The following PDE4D variants were observed in gnomAD, a reference collection of about 807,000 sequenced individuals.
The protein encoded by PDE4D is phosphodiesterase 4D.
In PDE4D, 24 loss-of-function variants were observed where a neutral mutation model predicts 87.4. That is an observed-to-expected ratio of 0.27 (90% CI 0.20 to 0.39). The LOEUF is 0.39. Ranked by LOEUF, PDE4D falls within the 10% of genes least tolerant of loss-of-function variation. The pLI is 1.00. For synonymous variants in PDE4D, 384 were observed against 383.2 expected, an observed-to-expected ratio of 1.00 and a Z score of -0.02; for missense variants, 714 against 1,041.0, an observed-to-expected ratio of 0.69 and a Z score of 4.32.
chr5:59,784,691 G>A (rs747151257), intron 1 of PDE4D, among the ~76,000 whole-genome samples: 1 of 152,144 alleles, frequency 6.6e-6, no homozygotes, highest in Non-Finnish European at 1.5e-5. Flanking sequence ...GCAATAAATT[G>A]ATATCAAGCC....
At chr5:59,383,383 C>T (rs1786297708) in intron 1 of PDE4D, among the ~76,000 whole-genome samples, 1 of 152,076 alleles carries the variant, frequency 6.6e-6, no homozygotes, top group South Asian at 2.1e-4. Flanking sequence ...ACGAATCTAT[C>T]CCCACTCCCC....
intron 1 of PDE4D, among the ~76,000 whole-genome samples, chr5:60,499,522 G>C (rs970161196): frequency 6.6e-6 from 1 of 152,098 alleles, no homozygotes; most frequent in African/African-American, 2.4e-5. Flanking sequence ...CCTTGGGTTG[G>C]GGGCGGTTAA....
chr5:60,204,647 T>C (rs1176107310), intron 1 of PDE4D, among the ~76,000 whole-genome samples: 1 of 147,746 alleles, frequency 6.8e-6, no homozygotes, highest in Non-Finnish European at 1.5e-5. Flanking sequence ...AGAGGTGAGA[T>C]CCAAATCCTT....
chr5:59,484,880 A>G (rs1804848290), intron 1 of PDE4D, among the ~76,000 whole-genome samples: 1 of 152,214 alleles, frequency 6.6e-6, no homozygotes, highest in South Asian at 2.1e-4. Context: ...TGAGAGTTCT[A>G]AAAGTCTACG....
intron 3 of PDE4D, among the ~76,000 whole-genome samples, chr5:59,186,905 G>A (rs1234949086): frequency 6.6e-6 from 1 of 152,178 alleles, no homozygotes; most frequent in East Asian, 1.9e-4. Flanking sequence ...TGATGCAGAA[G>A]TAAATCGGAT....
chr5:60,025,253 A>G (rs1184026530), intron 2 of PDE4D, among the ~76,000 whole-genome samples: 2 of 152,188 alleles, frequency 1.3e-5, no homozygotes, highest in Non-Finnish European at 2.9e-5. Flanking sequence ...GTTTGCAGCA[A>G]GATGTGAGCA....
rs1473547831 is a variant in PDE4D at position 59,502,961 on chromosome 5, G to T, written c.456-286993C>A. 2.8e-5 allele frequency among the ~76,000 whole-genome samples: 4 copies of T among 144,586 alleles called. No homozygotes were observed. In the East Asian group the frequency reaches 8.2e-4, roughly 30 times the overall value. 94.9% of individuals were successfully genotyped at this position (144,586 alleles called of 152,430 possible). The stretch of plus-strand genomic sequence containing the variant: ...TTTACTTGATTTCTTTTGAAGAGTT[G>T]ATCTCAATTTTTAAAATTGTCATTT... On this transcript the variant is annotated intron_variant, in intron 1 of 14. Coordinates refer to ENST00000340635, the MANE Select transcript of PDE4D (RefSeq NM_001104631.2).
chr5:59,344,803 T>C (rs1217322993), intron 1 of PDE4D, among the ~76,000 whole-genome samples: 1 of 152,220 alleles, frequency 6.6e-6, no homozygotes, highest in Non-Finnish European at 1.5e-5. Flanking sequence ...ATTGCTCTAA[T>C]GTTTACTTAT....
At chr5:59,756,080 A>G (rs1011895225) in intron 1 of PDE4D, among the ~76,000 whole-genome samples, 7 of 151,774 alleles carry the variant, frequency 4.6e-5, no homozygotes, top group African/African-American at 1.7e-4. Context: ...AAGGTTTTCT[A>G]TTATTTTAGT....
chr5:60,076,102 T>TA (rs1773260941), intron 2 of PDE4D, among the ~76,000 whole-genome samples: 1 of 152,158 alleles, frequency 6.6e-6, no homozygotes, highest in Admixed American at 6.6e-5. Flanking sequence ...TTTGAGTTCT[T>TA]AGAGTTCCCA....
chr5:59,562,826 C>T (rs1026473664), intron 1 of PDE4D, among the ~76,000 whole-genome samples: 1 of 151,754 alleles, frequency 6.6e-6, no homozygotes, highest in Non-Finnish European at 1.5e-5. Context: ...GAAAGAAACC[C>T]TATTTCTCAC....
At chr5:59,951,123 A>G (rs1758252173) in intron 3 of PDE4D, among the ~76,000 whole-genome samples, 1 of 152,180 alleles carries the variant, frequency 6.6e-6, no homozygotes, top group African/African-American at 2.4e-5. Flanking sequence ...ATTTTCATGT[A>G]ATATCAGCTT....
rs141648085 is a variant in PDE4D, at chr5:60,116,077, G to T, written c.42+69480C>A. 3.2e-3 allele frequency among the ~76,000 whole-genome samples: 489 copies of T among 152,120 alleles called. 4 individuals are homozygous for T. The highest frequency in any genetic ancestry group is 0.011 in the African/African-American group (455 of 41,514). ...AGAATGGCTCCTGCCACAATGCTTG[G>T]ACTACGTATCTTTAACTCATCTCCA... On this transcript the variant is annotated intron_variant, in intron 2 of 16. Coordinates refer to the PDE4D transcript ENST00000502484.
intron 1 of PDE4D, among the ~76,000 whole-genome samples, chr5:59,724,502 G>A (rs139536959): frequency 6.6e-6 from 1 of 152,030 alleles, no homozygotes; most frequent in African/African-American, 2.4e-5. Flanking sequence ...TGAGAAAGAT[G>A]ATTTTCAAGC....
intron 1 of PDE4D, among the ~76,000 whole-genome samples, chr5:59,854,815 C>T (rs1745187571): frequency 6.6e-6 from 1 of 152,044 alleles, no homozygotes; most frequent in East Asian, 1.9e-4. Flanking sequence ...ACCCTCTCTC[C>T]CACTCAGCCT....
At chr5:59,108,054 G>A (rs748694844) in intron 5 of PDE4D, among the ~76,000 whole-genome samples, 1 of 152,216 alleles carries the variant, frequency 6.6e-6, no homozygotes, top group Non-Finnish European at 1.5e-5. Flanking sequence ...GGACTGCCCG[G>A]CTGAGCCCAG....
intron 1 of PDE4D, among the ~76,000 whole-genome samples, chr5:59,800,015 G>A (rs1766929085): frequency 6.6e-6 from 1 of 151,970 alleles, no homozygotes; most frequent in African/African-American, 2.4e-5. Flanking sequence ...CTCACTGTGG[G>A]GTGTTTAAAA....
At chr5:59,243,897 A>G (rs1195774444) in intron 1 of PDE4D, among the ~76,000 whole-genome samples, 1 of 152,144 alleles carries the variant, frequency 6.6e-6, no homozygotes, top group East Asian at 1.9e-4. Context: ...AATTAACCAG[A>G]GATACAGATT....
chr5:59,452,930 G>A (rs1582675293), intron 1 of PDE4D, among the ~76,000 whole-genome samples: 1 of 147,324 alleles, frequency 6.8e-6, no homozygotes, highest in African/African-American at 2.5e-5. Flanking sequence ...ATTGTGCTTT[G>A]TTTTGTTGTG....
Sources: allele counts gnomAD v4.1 joint callset (sites outside exome capture counted in the v4.1 genomes callset), GRCh38; gene constraint gnomAD v4.1.1; transcripts MANE v1.5; gene names NCBI Gene and HGNC (gene_info 2026-07-23, HGNC 2026-07-21).